The following ALPL variants were observed in gnomAD, a reference collection of about 807,000 sequenced individuals.
ALPL encodes the protein alkaline phosphatase, tissue-nonspecific isozyme.
A neutral mutation model predicts 51.3 loss-of-function variants in ALPL; 42 were observed. The ratio of observed to expected loss-of-function variants is 0.82; its 90% confidence interval spans 0.64 to 1.06. ALPL has a LOEUF of 1.06. Ranked by LOEUF, ALPL falls within the 50% of genes least tolerant of loss-of-function variation. The pLI is 0.00. For missense variants in ALPL, 589 were observed against 709.4 expected (o/e 0.83, Z 1.93); for synonymous variants, 279 against 296.4 (o/e 0.94, Z 0.60).
intron 1 of ALPL, among the ~76,000 whole-genome samples, chr1:21,535,807 A>G (rs900737112): frequency 3.3e-5 from 5 of 152,258 alleles, no homozygotes; most frequent in African/African-American, 1.2e-4. Flanking sequence ...CTCCACTCCA[A>G]TGACTAGGAG....
chr1:21,557,899 C>T (rs1460116020), intron 2 of ALPL, among the ~76,000 whole-genome samples: 1 of 152,202 alleles, frequency 6.6e-6, no homozygotes, highest in Non-Finnish European at 1.5e-5. Flanking sequence ...TGCCAACCCC[C>T]TCCCAAAGCC....
At chr1:21,569,046 A>T (rs1379014599) in intron 7 of ALPL, among the ~76,000 whole-genome samples, 1 of 152,092 alleles carries the variant, frequency 6.6e-6, no homozygotes, top group Non-Finnish European at 1.5e-5. Context: ...TGCAAGTTCC[A>T]GGACTGGCCC....
chr1:21,577,490 G>C lies in ALPL; in HGVS notation c.1417G>C (p.Gly473Arg). ...SKGPMAHLLH[G>R]VHEQNYVPHV... is the part of the protein sequence containing the mutation. ...GGGCCCCATGGCGCACCTGCTGCAC[G>C]GCGTCCACGAGCAGAACTACGTCCC... The change falls in exon 12 of 12, where the codon GGC becomes CGC. Residue 473 changes from glycine (G) to arginine (R), a missense_variant. Coordinates refer to ENST00000374840, the MANE Select transcript of ALPL (RefSeq NM_000478.6). 6.2e-7 allele frequency: 1 copy of C among 1,609,560 alleles called. No homozygotes were observed. The highest frequency in any genetic ancestry group is 1.1e-5 in the South Asian group (1 of 91,090).
At chr1:21,558,887 G>A (rs1239548480) in intron 2 of ALPL, among the ~76,000 whole-genome samples, 2 of 152,318 alleles carry the variant, frequency 1.3e-5, no homozygotes, top group African/African-American at 2.4e-5. Context: ...TGAGTTTCCG[G>A]TTCTCCCACT....
intron 1 of ALPL, among the ~76,000 whole-genome samples, chr1:21,527,126 G>A (rs1461872286): frequency 2.0e-5 from 3 of 149,996 alleles, no homozygotes; most frequent in East Asian, 1.9e-4. Context: ...TCTGCCTCCC[G>A]GGTTCAAGCG....
chr1:21,518,419 A>C (rs1251806614), intron 1 of ALPL, among the ~76,000 whole-genome samples: 1 of 152,170 alleles, frequency 6.6e-6, no homozygotes, highest in East Asian at 1.9e-4. Flanking sequence ...AATGACTCAG[A>C]GTAATTAGCC....
At chr1:21,570,451 G>A in intron 8 of ALPL, 77 bp downstream of exon 8, 1 of 1,482,680 alleles carries the variant, frequency 6.7e-7, no homozygotes, top group Admixed American at 1.7e-5. Context: ...AGCACCTGGG[G>A]ACAAGGCCCT....
chr1:21,538,943 G>C (rs1010736483), intron 1 of ALPL, among the ~76,000 whole-genome samples: 1 of 152,112 alleles, frequency 6.6e-6, no homozygotes, highest in African/African-American at 2.4e-5. Flanking sequence ...TATGATTATA[G>C]GAAGCCCTCC....
intron 1 of ALPL, among the ~76,000 whole-genome samples, chr1:21,540,111 G>A (rs77047491): frequency 0.011 from 1,744 of 152,236 alleles, 39 homozygotes; most frequent in African/African-American, 0.039. Context: ...CTCCCCCACC[G>A]CTTTCTGTAC....
chr1:21,519,164 C>T (rs759899144), intron 1 of ALPL, among the ~76,000 whole-genome samples: 1 of 152,198 alleles, frequency 6.6e-6, no homozygotes, highest in South Asian at 2.1e-4. Context: ...GCCTCTTTCT[C>T]GTCACTCTTA....
Position 21,560,750 on chromosome 1 carries a change from G to T in ALPL, c.181+5G>T. On this transcript the variant is annotated splice_donor_5th_base_variant and intron_variant, in intron 3 of 11. Transcript: ENST00000374840. ...TCATCATGTTCCTGGGAGATGGTGAGGCCCAGGGGCCTGTGGGAGGGGTGG... is the reference window on the plus strand; with the variant it reads ...TCATCATGTTCCTGGGAGATGGTGATGCCCAGGGGCCTGTGGGAGGGGTGG... 6.2e-7 allele frequency: 1 copy of T among 1,614,094 alleles called. No individual in the cohort carries two copies. Among genetic ancestry groups the T allele is most frequent in the South Asian group, 1.1e-5 (1 of 91,082 alleles).
intron 7 of ALPL, 131 bp from the exon 8 acceptor site, chr1:21,570,174 G>C: frequency 1.2e-6 from 1 of 842,078 alleles, no homozygotes; most frequent in Non-Finnish European, 2.0e-6. Context: ...CAGGGATGGT[G>C]GGTCCTCAGG....
intron 10 of ALPL, among the ~76,000 whole-genome samples, chr1:21,576,253 T>TG (rs376750880): frequency 5.2e-4 from 30 of 57,406 alleles, no homozygotes; most frequent in Middle Eastern, 8.2e-3. Flanking sequence ...GATGGATGGA[T>TG]GATGGATGGA....
At chr1:21,557,172 T>C (rs1385665417) in intron 2 of ALPL, among the ~76,000 whole-genome samples, 1 of 152,180 alleles carries the variant, frequency 6.6e-6, no homozygotes, top group Non-Finnish European at 1.5e-5. Flanking sequence ...GCTCAGTCCA[T>C]TATGTGGCTA....
intron 1 of ALPL, among the ~76,000 whole-genome samples, chr1:21,553,524 T>C (rs569173745): frequency 6.6e-6 from 1 of 152,290 alleles, no homozygotes; most frequent in South Asian, 2.1e-4. Flanking sequence ...CTTCTCAAGG[T>C]GTGGTCCGCA....
chr1:21,535,606 C>A (rs955128726), intron 1 of ALPL, among the ~76,000 whole-genome samples: 1 of 151,800 alleles, frequency 6.6e-6, no homozygotes, highest in African/African-American at 2.4e-5. Flanking sequence ...CAGAGCAAGA[C>A]CCTGTCTCAA....
intron 6 of ALPL, among the ~76,000 whole-genome samples, chr1:21,566,710 C>G (rs539797192): frequency 6.6e-6 from 1 of 152,140 alleles, no homozygotes; most frequent in African/African-American, 2.4e-5. Context: ...CTGGCTCAGT[C>G]CCTTGAATAG....
At chr1:21,571,613 A>G (rs1644649285) in intron 8 of ALPL, among the ~76,000 whole-genome samples, 1 of 151,770 alleles carries the variant, frequency 6.6e-6, no homozygotes. Context: ...CGGAGGTTAC[A>G]GTGAGCCAAG....
At chr1:21,565,137 C>A (rs1180145838) in intron 6 of ALPL, among the ~76,000 whole-genome samples, 1 of 152,192 alleles carries the variant, frequency 6.6e-6, no homozygotes, top group Non-Finnish European at 1.5e-5. Flanking sequence ...CACCACCAGA[C>A]AAACTCACCT....
Sources: gnomAD v4.1 joint callset for allele counts (sites outside exome capture counted in the v4.1 genomes callset) on GRCh38, gnomAD v4.1.1 for gene constraint, MANE v1.5 for transcripts, NCBI Gene and HGNC (gene_info 2026-07-23, HGNC 2026-07-21) for gene names.